ESRP1: variants seen among roughly 807,000 people sequenced by gnomAD.
The protein encoded by ESRP1 is epithelial splicing regulatory protein 1.
Under a neutral mutation model 81.7 loss-of-function variants are expected in ESRP1, and 33 were observed. That is an observed-to-expected ratio of 0.40 (90% CI 0.31 to 0.54). The LOEUF is 0.54. Ranked by LOEUF, ESRP1 falls within the 20% of genes least tolerant of loss-of-function variation. The probability of loss-of-function intolerance (pLI) is 0.41; values close to 1 mark genes in which losing one functional copy is unlikely to be tolerated. For synonymous variants in ESRP1, 320 were observed against 303.3 expected (o/e 1.06, Z -0.57); for missense variants, 672 against 833.1 (o/e 0.81, Z 2.38).
Position 94,675,458 on chromosome 8 carries a change from A to C in ESRP1, c.1651+952A>C, listed in dbSNP as rs142624541. ...TTTGTAGAACATTCAGTGGGGCTTA[A>C]TCCTTTTTATCTTTTAGCATTTTGA... On this transcript the variant is annotated intron_variant, in intron 12 of 15. Transcript: ENST00000433389. 9.9e-5 allele frequency among the ~76,000 whole-genome samples: 15 copies of C among 152,276 alleles called. 1 individual carries two copies. The East Asian group carries it at 2.9e-3, about 29-fold the overall frequency.
rs746386987 is a variant in ESRP1 at position 94,646,221 on chromosome 8, C to T, written c.429C>T (p.Phe143=). ...FYSFFDLRKE[F]KKCCPGSPDI... ...CCTTTTTTGATCTTCGAAAAGAATT[C>T]AAGAAATGTTGCCCTGGTTCACCTG... Residue 143 remains phenylalanine, a synonymous_variant, in exon 4 of 16, where the codon TTC becomes TTT. Transcript: ENST00000433389. The T allele has an allele frequency of 1.9e-6, 3 of 1,612,700 alleles. No homozygotes were observed. The South Asian group carries it at 3.3e-5, about 18-fold the overall frequency.
At chr8:94,704,359 C>T (rs183828024) in intron 15 of ESRP1, among the ~76,000 whole-genome samples, 1 of 152,236 alleles carries the variant, frequency 6.6e-6, no homozygotes, top group Admixed American at 6.5e-5. Context: ...GTAATCTCAG[C>T]ACTTTACAGT....
intron 4 of ESRP1, among the ~76,000 whole-genome samples, chr8:94,653,142 G>A (rs200645138): frequency 6.6e-6 from 1 of 151,066 alleles, no homozygotes. Flanking sequence ...CCATTATCAG[G>A]AAAAAAAAAT....
intron 4 of ESRP1, among the ~76,000 whole-genome samples, chr8:94,657,644 C>T (rs188208556): frequency 6.6e-6 from 1 of 151,992 alleles, no homozygotes; most frequent in East Asian, 1.9e-4. Flanking sequence ...TTATGTGGCA[C>T]CAAGGTAGTA....
intron 4 of ESRP1, among the ~76,000 whole-genome samples, chr8:94,648,174 T>C (rs7013825): frequency 0.77 from 117,227 of 151,992 alleles, 46,613 homozygotes; most frequent in South Asian, 0.88. Context: ...CAAGGATTGC[T>C]TGAGCCCAGG....
chr8:94,648,446 G>T (rs1401608287), intron 4 of ESRP1, among the ~76,000 whole-genome samples: 1 of 152,202 alleles, frequency 6.6e-6, no homozygotes, highest in Non-Finnish European at 1.5e-5. Context: ...TAGGCTACCA[G>T]ACCAATTTCT....
At chr8:94,643,551 T>G (rs1432326850) in intron 3 of ESRP1, 135 bp downstream of exon 3, 2 of 572,648 alleles carry the variant, frequency 3.5e-6, no homozygotes, top group Admixed American at 6.0e-5. Flanking sequence ...GAGTACAGAA[T>G]TTCAGTTTGG....
chr8:94,690,137 G>C (rs551921262), intron 13 of ESRP1, among the ~76,000 whole-genome samples: 2 of 148,366 alleles, frequency 1.3e-5, no homozygotes, highest in Non-Finnish European at 3.0e-5. Flanking sequence ...TTGTTTTTTT[G>C]TTTGTTTGTT....
At chr8:94,642,342 C>G (rs1322289001) in intron 2 of ESRP1, among the ~76,000 whole-genome samples, 1 of 152,206 alleles carries the variant, frequency 6.6e-6, no homozygotes, top group Non-Finnish European at 1.5e-5. Context: ...TTACTGGAGC[C>G]GGAGAGTCAG....
At chr8:94,684,033 G>A (rs7003975) in intron 13 of ESRP1, among the ~76,000 whole-genome samples, 7,617 of 152,216 alleles carry the variant, frequency 0.05, 597 homozygotes, top group African/African-American at 0.17. Flanking sequence ...TTTTGGTAGA[G>A]ATGGAGTTTG....
At chr8:94,686,051 G>A (rs537221187) in intron 13 of ESRP1, among the ~76,000 whole-genome samples, 6 of 152,214 alleles carry the variant, frequency 3.9e-5, no homozygotes, top group South Asian at 2.1e-4. Flanking sequence ...GGGTTCAAGC[G>A]ATTCTCTTGC....
intron 14 of ESRP1, among the ~76,000 whole-genome samples, chr8:94,696,624 A>G (rs1478337162): frequency 6.6e-6 from 1 of 152,188 alleles, no homozygotes; most frequent in Non-Finnish European, 1.5e-5. Context: ...TGTGTGTGTA[A>G]TCCATGTTTT....
chr8:94,667,504 GA>G (rs1819091358), intron 9 of ESRP1, among the ~76,000 whole-genome samples: 1 of 150,908 alleles, frequency 6.6e-6, no homozygotes, highest in African/African-American at 2.4e-5. Context: ...ATCAGGAAAA[GA>G]TTTTTTTAAC....
chr8:94,657,472 C>CGTGTGCGTGTGT (rs1554576342), intron 4 of ESRP1, among the ~76,000 whole-genome samples: 3 of 146,156 alleles, frequency 2.1e-5, no homozygotes, highest in Non-Finnish European at 3.0e-5. Context: ...AGGCTGTGTG[C>CGTGTGCGTGTGT]GTGTGTGTGT....
chr8:94,687,849 C>A (rs1009698058), intron 13 of ESRP1, among the ~76,000 whole-genome samples: 1 of 152,028 alleles, frequency 6.6e-6, no homozygotes, highest in Non-Finnish European at 1.5e-5. Flanking sequence ...TTCTCCAATT[C>A]TGTAGGTTGT....
chr8:94,700,400 G>T (rs967933553), intron 15 of ESRP1, among the ~76,000 whole-genome samples: 3 of 152,204 alleles, frequency 2.0e-5, no homozygotes, highest in Non-Finnish European at 4.4e-5. Context: ...GCAGCAATGT[G>T]ACGAGGGAGG....
intron 15 of ESRP1, among the ~76,000 whole-genome samples, chr8:94,705,156 C>CCTT (rs1810015158): frequency 1.1e-5 from 1 of 90,560 alleles, no homozygotes; most frequent in Admixed American, 1.4e-4. Context: ...TGCCTTATTG[C>CCTT]TTTTTTTTTT....
intron 13 of ESRP1, among the ~76,000 whole-genome samples, chr8:94,686,912 T>C (rs1405680792): frequency 1.6e-4 from 24 of 152,218 alleles, no homozygotes; most frequent in Admixed American, 1.6e-3. Context: ...TTCTCTAAAC[T>C]ACTGCCATAA....
chr8:94,649,436 C>G (rs1818003850), intron 4 of ESRP1: 2 of 57,428 alleles, frequency 3.5e-5, no homozygotes, highest in South Asian at 2.0e-3. Flanking sequence ...TGAACTCAAG[C>G]AATTCTGCCT....
Sources: allele counts gnomAD v4.1 joint callset (sites outside exome capture counted in the v4.1 genomes callset), GRCh38; gene constraint gnomAD v4.1.1; transcripts MANE v1.5; gene names NCBI Gene and HGNC (gene_info 2026-07-23, HGNC 2026-07-21).